UBXN7: variants seen among roughly 807,000 people sequenced by gnomAD.
UBXN7 encodes UBX domain protein 7, also known as UBX domain-containing protein 7.
In UBXN7, 9 loss-of-function variants were observed where a neutral mutation model predicts 58.0. The observed-to-expected ratio is 0.16, with a 90% CI of 0.09 to 0.27. The LOEUF (loss-of-function observed/expected upper bound fraction) is 0.27, where lower values mean the gene tolerates loss of function less well. Ranked by LOEUF, UBXN7 falls within the 10% of genes least tolerant of loss-of-function variation. UBXN7 has a pLI of 1.00. For missense variants in UBXN7, 328 were observed against 599.6 expected, an observed-to-expected ratio of 0.55 and a Z score of 4.73; for synonymous variants, 208 against 205.0, an observed-to-expected ratio of 1.01 and a Z score of -0.12.
intron 2 of UBXN7, among the ~76,000 whole-genome samples, chr3:196,405,657 T>C (rs1303899432): frequency 3.3e-5 from 5 of 151,976 alleles, no homozygotes; most frequent in Non-Finnish European, 7.4e-5. Context: ...ATGCATCAAT[T>C]AGAGGGGTGG....
chr3:196,401,897 G>A (rs1730007003), intron 3 of UBXN7, among the ~76,000 whole-genome samples: 1 of 129,200 alleles, frequency 7.7e-6, no homozygotes, highest in South Asian at 2.8e-4. Flanking sequence ...CATTACCTAG[G>A]TGATAATCTG....
At chr3:196,360,267 GT>G (rs1205503925) in intron 10 of UBXN7, among the ~76,000 whole-genome samples, 1 of 152,208 alleles carries the variant, frequency 6.6e-6, no homozygotes, top group Non-Finnish European at 1.5e-5. Context: ...ACAGATTTAA[GT>G]TTGACAAAAC....
intron 1 of UBXN7, 105 bp from the exon 2 acceptor site, chr3:196,407,498 C>T (rs1305823761): frequency 1.4e-6 from 2 of 1,422,986 alleles, no homozygotes; most frequent in Non-Finnish European, 1.8e-6. Flanking sequence ...TAGTATTTTT[C>T]CCTTTTAGAA....
intron 8 of UBXN7, among the ~76,000 whole-genome samples, chr3:196,365,025 A>C (rs749899985): frequency 6.6e-6 from 1 of 152,090 alleles, no homozygotes; most frequent in Non-Finnish European, 1.5e-5. Context: ...CATGGCAGAC[A>C]CTGTCAGGCT....
chr3:196,390,796 T>C (rs1729559508), intron 5 of UBXN7, among the ~76,000 whole-genome samples: 1 of 151,126 alleles, frequency 6.6e-6, no homozygotes, highest in East Asian at 1.9e-4. Flanking sequence ...GCTATTGTAA[T>C]TCAAAAGAGC....
intron 5 of UBXN7, among the ~76,000 whole-genome samples, chr3:196,381,391 G>C (rs572942539): frequency 2.1e-4 from 32 of 152,328 alleles, no homozygotes; most frequent in South Asian, 4.1e-4. Context: ...CTACAGCTGA[G>C]GGACCTGACT....
chr3:196,406,443 T>G (rs1195255488), intron 2 of UBXN7, among the ~76,000 whole-genome samples: 1 of 151,910 alleles, frequency 6.6e-6, no homozygotes, highest in Non-Finnish European at 1.5e-5. Flanking sequence ...ACAATATTAT[T>G]TTTATTATTT....
Position 196,354,918 on chromosome 3 carries a change from A to G in UBXN7, c.*1767T>C, listed in dbSNP as rs1472243406. Reference sequence around the variant, plus strand: ...TTACACAGACTTAGAAAAAAATTTAAGAACATTAATTCAAAAGGACTCACT... The same window carrying G: ...TTACACAGACTTAGAAAAAAATTTAGGAACATTAATTCAAAAGGACTCACT... On this transcript the variant is annotated 3_prime_UTR_variant, in exon 11 of 11. Coordinates refer to ENST00000296328, the MANE Select transcript of UBXN7 (RefSeq NM_015562.2). The G allele has an allele frequency of 6.6e-6, 1 of 151,922 alleles. No individual in the cohort carries two copies. The highest frequency in any genetic ancestry group is 1.5e-5 in the Non-Finnish European group (1 of 67,956). 9.4% of individuals were successfully genotyped at this position (151,922 alleles called of 1,614,324 possible).
intron 6 of UBXN7, among the ~76,000 whole-genome samples, chr3:196,371,518 A>G (rs1041064060): frequency 1.3e-5 from 2 of 152,104 alleles, no homozygotes; most frequent in African/African-American, 2.4e-5. Flanking sequence ...GTCTAGCTCT[A>G]TTGTTCAGGC....
Position 196,350,146 on chromosome 3 carries a change from A to G in UBXN7, c.*6539T>C, listed in dbSNP as rs1443606581. ...GAAATAAATCTGGTTATCTTTTGAA[A>G]ATACTTTCTCATTACAGGAATGCTA... is the stretch of plus-strand genomic sequence containing the variant. On this transcript the variant is annotated 3_prime_UTR_variant, in exon 11 of 11. Transcript: ENST00000296328. 6.6e-6 allele frequency: 1 copy of G among 152,256 alleles called. No individual in the cohort carries two copies. Among genetic ancestry groups the G allele is most frequent in the Non-Finnish European group, 1.5e-5 (1 of 68,050 alleles). 9.4% of individuals were successfully genotyped at this position (152,256 alleles called of 1,614,324 possible). A position where few individuals can be genotyped will look rare whatever the true frequency, so the allele number is the denominator to read the frequency against.
intron 5 of UBXN7, among the ~76,000 whole-genome samples, chr3:196,378,900 A>G (rs1248789922): frequency 7.8e-6 from 1 of 128,156 alleles, no homozygotes; most frequent in African/African-American, 3.0e-5. Flanking sequence ...GGGGGGTTTT[A>G]GCCAGCTTCT....
chr3:196,423,149 C>A (rs1730738665), intron 1 of UBXN7, among the ~76,000 whole-genome samples: 1 of 152,254 alleles, frequency 6.6e-6, no homozygotes, highest in Admixed American at 6.5e-5. Context: ...ACAGCCCAAC[C>A]TAGCGGGGCC....
At chr3:196,370,418 G>A (rs1728791282) in intron 6 of UBXN7, among the ~76,000 whole-genome samples, 1 of 150,418 alleles carries the variant, frequency 6.6e-6, no homozygotes. Flanking sequence ...GCACCACTGT[G>A]TTCCGGCCTG....
At chr3:196,364,231 C>T (rs1033955337) in intron 8 of UBXN7, among the ~76,000 whole-genome samples, 1 of 152,150 alleles carries the variant, frequency 6.6e-6, no homozygotes, top group Non-Finnish European at 1.5e-5. Context: ...TTGAGTGGAA[C>T]TTACTTAGCT....
intron 3 of UBXN7, chr3:196,400,754 A>C (rs1213319104): frequency 2.7e-6 from 1 of 372,444 alleles, no homozygotes; most frequent in East Asian, 9.2e-5. Context: ...AAGAAAAAAA[A>C]AAGAGTAAAG....
intron 5 of UBXN7, among the ~76,000 whole-genome samples, chr3:196,382,771 T>G (rs1027805975): frequency 5.3e-5 from 8 of 151,852 alleles, no homozygotes; most frequent in Non-Finnish European, 7.4e-5. Context: ...ACACATAGGC[T>G]CAAAATAAAG....
chr3:196,383,112 T>A (rs1191151432), intron 5 of UBXN7, among the ~76,000 whole-genome samples: 3 of 140,386 alleles, frequency 2.1e-5, no homozygotes, highest in Admixed American at 7.3e-5. Context: ...CAAGACTCCA[T>A]CTCCAAAAAA....
intron 3 of UBXN7, among the ~76,000 whole-genome samples, chr3:196,398,829 G>A (rs773583786): frequency 1.3e-5 from 2 of 152,026 alleles, no homozygotes; most frequent in Non-Finnish European, 2.9e-5. Context: ...AGAGATGGGG[G>A]TCTCCCTATG....
chr3:196,416,055 G>A (rs901408272), intron 1 of UBXN7: 4 of 152,236 alleles, frequency 2.6e-5, no homozygotes, highest in Non-Finnish European at 4.4e-5. Flanking sequence ...AAAGCAGAAA[G>A]AACATGTTGA....
Sources: allele counts gnomAD v4.1 joint callset (sites outside exome capture counted in the v4.1 genomes callset), GRCh38; gene constraint gnomAD v4.1.1; transcripts MANE v1.5; gene names NCBI Gene and HGNC (gene_info 2026-07-23, HGNC 2026-07-21).